The following CSMD2 variants were observed in gnomAD, a reference collection of about 807,000 sequenced individuals.
CSMD2 encodes CUB and sushi domain-containing protein 2.
In CSMD2, 130 loss-of-function variants were observed where a neutral mutation model predicts 398.5. That is an observed-to-expected ratio of 0.33 (90% confidence interval 0.28 to 0.38). The LOEUF (loss-of-function observed/expected upper bound fraction) is 0.38. CSMD2 is among the 10% of genes least tolerant of loss of function. The pLI is 1.00. For missense variants in CSMD2, 3,829 were observed against 4,764.9 expected (o/e 0.80, Z 5.78); for synonymous variants, 1,828 against 1,908.5 (o/e 0.96, Z 1.10).
At chr1:33,800,276 G>T (rs1655437768) in intron 10 of CSMD2, among the ~76,000 whole-genome samples, 1 of 152,160 alleles carries the variant, frequency 6.6e-6, no homozygotes, top group South Asian at 2.1e-4. Flanking sequence ...AAGAGCTAGA[G>T]AATTAACTCC....
At chr1:33,560,483 C>T (rs1658440612) in intron 53 of CSMD2, among the ~76,000 whole-genome samples, 1 of 152,208 alleles carries the variant, frequency 6.6e-6, no homozygotes, top group African/African-American at 2.4e-5. Context: ...TTGGAGGTTT[C>T]ATGAATATAC....
chr1:33,951,676 C>T (rs747146334), intron 3 of CSMD2, among the ~76,000 whole-genome samples: 1 of 152,218 alleles, frequency 6.6e-6, no homozygotes, highest in Non-Finnish European at 1.5e-5. Flanking sequence ...AGGCACCATC[C>T]TTAAGCTTCT....
At chr1:33,770,559 A>G (rs1651121805) in intron 13 of CSMD2, among the ~76,000 whole-genome samples, 1 of 152,176 alleles carries the variant, frequency 6.6e-6, no homozygotes, top group South Asian at 2.1e-4. Context: ...TCCTCCATGG[A>G]AGCCAGCATC....
At chr1:34,067,044 G>T (rs1437158634) in intron 2 of CSMD2, among the ~76,000 whole-genome samples, 2 of 152,132 alleles carry the variant, frequency 1.3e-5, no homozygotes, top group Non-Finnish European at 2.9e-5. Flanking sequence ...TGCAGGGAAG[G>T]CACAGGCGAG....
chr1:34,005,027 C>A (rs1421147754), intron 3 of CSMD2, among the ~76,000 whole-genome samples: 1 of 152,204 alleles, frequency 6.6e-6, no homozygotes, highest in Non-Finnish European at 1.5e-5. Flanking sequence ...GCTGTAGAAT[C>A]CCCCACCACT....
intron 4 of CSMD2, among the ~76,000 whole-genome samples, chr1:33,928,442 A>G (rs1313389599): frequency 6.6e-6 from 1 of 152,242 alleles, no homozygotes; most frequent in Non-Finnish European, 1.5e-5. Flanking sequence ...AGTCATAACT[A>G]TGAACAAGGC....
At chr1:33,791,735 G>A (rs2124870951) in intron 11 of CSMD2, among the ~76,000 whole-genome samples, 1 of 152,286 alleles carries the variant, frequency 6.6e-6, no homozygotes, top group South Asian at 2.1e-4. Flanking sequence ...CAATCCGTCT[G>A]CCTTGGCCTG....
At chr1:33,615,068 C>T (rs549821120) in intron 39 of CSMD2, among the ~76,000 whole-genome samples, 20 of 152,310 alleles carry the variant, frequency 1.3e-4, no homozygotes, top group East Asian at 3.9e-4. Context: ...ACTCTGTGCC[C>T]GGCACCATGC....
intron 5 of CSMD2, among the ~76,000 whole-genome samples, chr1:33,848,032 A>G (rs1638407715): frequency 6.6e-6 from 1 of 152,186 alleles, no homozygotes; most frequent in East Asian, 1.9e-4. Context: ...GTCATGTAAG[A>G]AGAGTCCCAG....
At chr1:34,070,166 G>C (rs1655558394) in intron 2 of CSMD2, among the ~76,000 whole-genome samples, 1 of 152,214 alleles carries the variant, frequency 6.6e-6, no homozygotes, top group African/African-American at 2.4e-5. Context: ...GCCACTTTGA[G>C]GCCTTCACCT....
chr1:33,859,025 G>A (rs994114188), intron 5 of CSMD2, among the ~76,000 whole-genome samples: 3 of 152,166 alleles, frequency 2.0e-5, no homozygotes, highest in African/African-American at 7.2e-5. Context: ...ACCCTCAAAT[G>A]TGTCTTCTTC....
intron 1 of CSMD2, among the ~76,000 whole-genome samples, chr1:34,091,349 T>A (rs930477816): frequency 2.0e-5 from 3 of 152,190 alleles, no homozygotes; most frequent in Non-Finnish European, 4.4e-5. Context: ...CCTATATTGA[T>A]TTGTCTAATC....
At chr1:33,818,523 A>G (rs1657733962) in intron 9 of CSMD2, among the ~76,000 whole-genome samples, 1 of 152,262 alleles carries the variant, frequency 6.6e-6, no homozygotes, top group Non-Finnish European at 1.5e-5. Context: ...ATTTGGAGGT[A>G]AGAAAGGCTT....
At chr1:33,861,250 G>A (rs561141435) in intron 5 of CSMD2, 3 of 152,320 alleles carry the variant, frequency 2.0e-5, no homozygotes, top group Non-Finnish European at 2.9e-5. Context: ...ATCTGTAGAC[G>A]AGGAGTTGGC....
intron 5 of CSMD2, among the ~76,000 whole-genome samples, chr1:33,911,400 A>G (rs1643435875): frequency 6.6e-6 from 1 of 152,232 alleles, no homozygotes; most frequent in African/African-American, 2.4e-5. Context: ...CTGAGATCAA[A>G]TGGTTCTAGT....
chr1:33,825,435 C>A (rs1164409278), intron 7 of CSMD2, among the ~76,000 whole-genome samples: 1 of 152,210 alleles, frequency 6.6e-6, no homozygotes, highest in Admixed American at 6.5e-5. Flanking sequence ...GTAATGACTC[C>A]CTGGACTGCA....
intron 1 of CSMD2, among the ~76,000 whole-genome samples, chr1:34,134,891 G>A (rs117715491): frequency 4.6e-5 from 7 of 152,138 alleles, no homozygotes; most frequent in African/African-American, 1.4e-4. Flanking sequence ...CATCAGATTC[G>A]CAAGTTTTTA....
rs1471745597 is a variant in CSMD2 at position 33,625,169 on chromosome 1, C to A, written c.5382G>T (p.Gly1794=). Residue 1794 remains glycine, a synonymous_variant, in exon 34 of 71, where the codon GGG becomes GGT. Transcript: ENST00000373381. ...AGTTGCATTCGAAGCGGACGATGGC[C>A]CCCACCGAGAAGTCACTGCCCAGCC... ...GKRLGSDFSV[G]AIVRFECNSG... is the part of the protein sequence containing the mutation. The A allele has an allele frequency of 6.3e-7, 1 of 1,582,798 alleles. No individual in the cohort carries two copies. Among genetic ancestry groups the A allele is most frequent in the East Asian group, 2.3e-5 (1 of 43,826 alleles).
intron 3 of CSMD2, among the ~76,000 whole-genome samples, chr1:34,011,547 G>T (rs929550689): frequency 7.2e-5 from 11 of 152,158 alleles, no homozygotes; most frequent in African/African-American, 2.7e-4. Context: ...ATGTCCAATA[G>T]TGAGTGAAAA....
Sources: gnomAD v4.1 joint callset for allele counts (sites outside exome capture counted in the v4.1 genomes callset) on GRCh38, gnomAD v4.1.1 for gene constraint, MANE v1.5 for transcripts, NCBI Gene and HGNC (gene_info 2026-07-23, HGNC 2026-07-21) for gene names.